KLHL8: variants seen among roughly 807,000 people sequenced by gnomAD.
The protein encoded by KLHL8 is kelch like family member 8, also known as kelch-like protein 8.
A neutral mutation model predicts 63.5 loss-of-function variants in KLHL8; 38 were observed. The ratio of observed to expected loss-of-function variants is 0.60; its 90% CI spans 0.46 to 0.78. KLHL8 has a LOEUF of 0.78. Ranked by LOEUF, KLHL8 falls within the 30% of genes least tolerant of loss-of-function variation. The probability of loss-of-function intolerance (pLI) is 0.00; values close to 1 mark genes in which losing one functional copy is unlikely to be tolerated. For missense variants in KLHL8, 566 were observed against 752.4 expected, an observed-to-expected ratio of 0.75 and a Z score of 2.90; for synonymous variants, 224 against 254.3, an observed-to-expected ratio of 0.88 and a Z score of 1.13.
chr4:87,230,692 T>G (rs1733120779), intron 1 of KLHL8, among the ~76,000 whole-genome samples: 1 of 152,180 alleles, frequency 6.6e-6, no homozygotes, highest in African/African-American at 2.4e-5. Flanking sequence ...GACCACAGCT[T>G]AAGAGTTACA....
chr4:87,186,419 T>C (rs1731256385), intron 2 of KLHL8, among the ~76,000 whole-genome samples: 1 of 152,046 alleles, frequency 6.6e-6, no homozygotes, highest in South Asian at 2.1e-4. Context: ...AGGGACATTT[T>C]GTGAATTAAT....
chr4:87,239,257 G>A (rs1335680469), intron 1 of KLHL8, among the ~76,000 whole-genome samples: 3 of 152,204 alleles, frequency 2.0e-5, no homozygotes, highest in Non-Finnish European at 4.4e-5. Context: ...TATAGTAGGT[G>A]CGCAGTAAAT....
chr4:87,164,879 T>C (rs901532887), intron 8 of KLHL8, among the ~76,000 whole-genome samples: 1 of 152,060 alleles, frequency 6.6e-6, no homozygotes, highest in Admixed American at 6.6e-5. Flanking sequence ...CCGGGCGCGG[T>C]GGCTCACGCC....
chr4:87,234,756 CAGA>C (rs1733198795), intron 1 of KLHL8, among the ~76,000 whole-genome samples: 1 of 152,006 alleles, frequency 6.6e-6, no homozygotes, highest in African/African-American at 2.4e-5. Context: ...GGAGGTATTC[CAGA>C]AGAAGGTATT....
At chr4:87,192,130 C>A (rs1431790907) in intron 2 of KLHL8, among the ~76,000 whole-genome samples, 1 of 152,150 alleles carries the variant, frequency 6.6e-6, no homozygotes, top group African/African-American at 2.4e-5. Flanking sequence ...TATATACCCA[C>A]TAGGAGGATT....
chr4:87,184,599 GA>G (rs1360506321), intron 3 of KLHL8, among the ~76,000 whole-genome samples: 1 of 151,758 alleles, frequency 6.6e-6, no homozygotes, highest in Non-Finnish European at 1.5e-5. Context: ...TACTTCTCAG[GA>G]ATAAATGAAG....
At chr4:87,211,515 G>C (rs1423911722) in intron 1 of KLHL8, among the ~76,000 whole-genome samples, 1 of 152,158 alleles carries the variant, frequency 6.6e-6, no homozygotes, top group African/African-American at 2.4e-5. Flanking sequence ...TTCTTGGCCA[G>C]GCACAGTGGC....
intron 1 of KLHL8, among the ~76,000 whole-genome samples, chr4:87,229,635 T>C (rs145060652): frequency 9.9e-4 from 151 of 152,060 alleles, no homozygotes; most frequent in African/African-American, 3.4e-3. Flanking sequence ...TTTCGCCATG[T>C]TGGCCAGGCT....
At chr4:87,210,285 T>C (rs1732351275) in intron 1 of KLHL8, among the ~76,000 whole-genome samples, 1 of 151,950 alleles carries the variant, frequency 6.6e-6, no homozygotes, top group African/African-American at 2.4e-5. Context: ...ATCGAGACCA[T>C]CGGCTAACAC....
chr4:87,170,461 A>G lies in KLHL8; in HGVS notation c.1363T>C (p.Ser455Pro), dbSNP rs1172061288. ...PMNTPRGGVG[S>P]VALVNHVYAV... ...ATATAACTTACTACTAGAGCAACAGAGCCAACTCCTCCACGGGGAGTATTC... is the reference window on the plus strand; with the variant it reads ...ATATAACTTACTACTAGAGCAACAGGGCCAACTCCTCCACGGGGAGTATTC... Residue 455 changes from serine to proline, a missense_variant, in exon 7 of 10, where the codon TCT (serine) becomes CCT (proline). Transcript: ENST00000273963. 1.9e-6 allele frequency: 3 copies of G among 1,603,928 alleles called. No homozygotes were observed. The highest frequency in any genetic ancestry group is 2.5e-6 in the Non-Finnish European group (3 of 1,177,458).
Position 87,163,535 on chromosome 4 carries a change from A to G in KLHL8, c.1847T>C (p.Val616Ala). The G allele has an allele frequency of 1.9e-6, 3 of 1,614,188 alleles. No homozygotes were observed. Among genetic ancestry groups the G allele is most frequent in the Non-Finnish European group, 2.5e-6 (3 of 1,180,012 alleles). Residue 616 changes from valine to alanine, a missense_variant, in exon 10 of 10, where the codon GTG (valine) becomes GCG (alanine). By Grantham distance (64) the Val-to-Ala change is moderately conservative (BLOSUM62 0). Coordinates refer to ENST00000273963, the MANE Select transcript of KLHL8 (RefSeq NM_020803.5). Reference sequence around the variant, plus strand: ...GAACTCAAATCACATACAGTCAACCACATTATTGGATCCATGACCTACATC... The same window carrying G: ...GAACTCAAATCACATACAGTCAACCGCATTATTGGATCCATGACCTACATC... ...IRDVGHGSNN[V>A]VDCM is the part of the protein sequence containing the mutation.
intron 5 of KLHL8, among the ~76,000 whole-genome samples, chr4:87,177,114 C>T (rs893830499): frequency 6.6e-6 from 1 of 152,096 alleles, no homozygotes; most frequent in African/African-American, 2.4e-5. Flanking sequence ...ATCGCCCCCC[C>T]TTAGGCTTCC....
At position 87,161,658 on chromosome 4, in the gene KLHL8, A is replaced by G. The variant is rs543927702; in HGVS notation, c.*1861T>C. ...GCTAAACAAACACTGTAATATAAGA[A>G]CTCCATTAGACATAAGAAATAGACA... On this transcript the variant is annotated 3_prime_UTR_variant, in exon 10 of 10. Coordinates refer to ENST00000273963, the MANE Select transcript of KLHL8 (RefSeq NM_020803.5). 34 of 152,324 alleles carry G rather than the reference A, an allele frequency of 2.2e-4. No individual in the cohort carries two copies. The highest frequency in any genetic ancestry group is 7.9e-4 in the African/African-American group (33 of 41,568). The allele number at this position is 152,324 out of a possible 1,614,324, so 9.4% of individuals were successfully genotyped here. A position where few individuals can be genotyped will look rare whatever the true frequency, so the allele number is the denominator to read the frequency against.
intron 1 of KLHL8, among the ~76,000 whole-genome samples, chr4:87,211,941 T>C (rs1028072116): frequency 2.0e-5 from 3 of 152,188 alleles, no homozygotes; most frequent in Admixed American, 1.3e-4. Flanking sequence ...TCTTGAACAA[T>C]AACTGAGTAA....
At chr4:87,236,210 CT>C (rs35028616) in intron 1 of KLHL8, among the ~76,000 whole-genome samples, 35,490 of 135,462 alleles carry the variant, frequency 0.26, 4,137 homozygotes, top group African/African-American at 0.42. Flanking sequence ...TTTCCTTTTC[CT>C]TTTTTTTTTT....
intron 1 of KLHL8, among the ~76,000 whole-genome samples, chr4:87,228,596 C>T (rs1019568478): frequency 3.3e-5 from 5 of 152,222 alleles, no homozygotes; most frequent in Admixed American, 6.5e-5. Context: ...GTGGCCTGCC[C>T]AGCCTTTCAG....
intron 1 of KLHL8, among the ~76,000 whole-genome samples, chr4:87,226,718 T>C (rs189819337): frequency 8.2e-5 from 2 of 24,464 alleles, no homozygotes; most frequent in East Asian, 1.8e-3. Context: ...ATATATATTA[T>C]TTATATATAA....
intron 1 of KLHL8, among the ~76,000 whole-genome samples, chr4:87,230,752 G>T (rs371871169): frequency 4.6e-5 from 7 of 152,308 alleles, no homozygotes; most frequent in Middle Eastern, 3.4e-3. Context: ...CAGGTGATCA[G>T]AATTGTAATC....
chr4:87,226,907 A>T (rs866991342), intron 1 of KLHL8, among the ~76,000 whole-genome samples: 1 of 21,026 alleles, frequency 4.8e-5, no homozygotes, highest in Non-Finnish European at 7.2e-5. Context: ...ATAATATATA[A>T]TATATAAATA....
Sources: allele counts gnomAD v4.1 joint callset (sites outside exome capture counted in the v4.1 genomes callset), GRCh38; gene constraint gnomAD v4.1.1; transcripts MANE v1.5; gene names NCBI Gene and HGNC (gene_info 2026-07-23, HGNC 2026-07-21).